Variants in PFKFB4 observed in about 807,000 individuals in gnomAD.
PFKFB4 encodes 6-phosphofructo-2-kinase/fructose-2,6-bisphosphatase 4.
PFKFB4 carries 42 observed loss-of-function variants against 62.8 expected under a neutral mutation model. That is an observed-to-expected ratio of 0.67 (90% CI 0.52 to 0.86). The LOEUF (loss-of-function observed/expected upper bound fraction) is 0.86. PFKFB4 is among the 40% of genes least tolerant of loss of function. PFKFB4 has a pLI of 0.00. For missense variants in PFKFB4, 475 were observed against 627.2 expected (o/e 0.76, Z 2.59); for synonymous variants, 204 against 240.7 (o/e 0.85, Z 1.41).
Position 48,529,160 on chromosome 3 carries a change from C to T in PFKFB4, c.988-3491G>A, listed in dbSNP as rs568414819. On this transcript the variant is annotated intron_variant, in intron 9 of 13. Coordinates refer to ENST00000232375, the MANE Select transcript of PFKFB4 (RefSeq NM_004567.4). ...TCAAGTGATTCTCCTGCCTCAGCCC[C>T]CCGAGTAGCTGGGATTACAGGTGTG... 1.4e-4 allele frequency among the ~76,000 whole-genome samples: 21 copies of T among 152,266 alleles called. 1 individual carries two copies. In the South Asian group the frequency reaches 4.4e-3, roughly 32 times the overall value.
chr3:48,556,778 C>A lies in PFKFB4; in HGVS notation c.-1G>T, dbSNP rs1344919538. 1.2e-6 allele frequency: 2 copies of A among 1,600,814 alleles called. No individual in the cohort carries two copies. The highest frequency in any genetic ancestry group is 1.7e-6 in the Non-Finnish European group (2 of 1,173,876). On this transcript the variant is annotated 5_prime_UTR_variant, in exon 1 of 14. Coordinates refer to ENST00000232375, the MANE Select transcript of PFKFB4 (RefSeq NM_004567.4). This position sits in a 1 kb window ranked among gnomAD's most constrained non-coding sequence, Gnocchi z 5.7. Reference sequence around the variant, plus strand: ...GTGTCAATTCCCGTGGGGACGCCATCCCGGGGCCGGGATGAGTCGGACTGC... The same window carrying A: ...GTGTCAATTCCCGTGGGGACGCCATACCGGGGCCGGGATGAGTCGGACTGC...
chr3:48,538,578 A>C lies in PFKFB4; in HGVS notation c.552T>G (p.Ser184Arg). ...LGSPDYVNRDSDEATEDFMRR... is the reference protein window; with the variant it reads ...LGSPDYVNRDRDEATEDFMRR... Reference sequence around the variant, plus strand: ...TCATGAAGTCCTCCGTAGCCTCATCACTGTCGCGGTTGACATAGTCAGGGC... The same window carrying C: ...TCATGAAGTCCTCCGTAGCCTCATCCCTGTCGCGGTTGACATAGTCAGGGC... Residue 184 changes from serine (S) to arginine (R), a missense_variant, in exon 7 of 14, where the codon AGT (serine) becomes AGG (arginine). By Grantham distance (110) the Ser-to-Arg change is moderately radical. Coordinates refer to ENST00000232375, the MANE Select transcript of PFKFB4 (RefSeq NM_004567.4). The C allele has an allele frequency of 6.2e-7, 1 of 1,614,136 alleles. No individual in the cohort carries two copies. The highest frequency in any genetic ancestry group is 8.5e-7 in the Non-Finnish European group (1 of 1,180,022).
At chr3:48,527,073 C>T (rs1481942620) in intron 9 of PFKFB4, among the ~76,000 whole-genome samples, 1 of 152,004 alleles carries the variant, frequency 6.6e-6, no homozygotes, top group African/African-American at 2.4e-5. Context: ...CAAGGATTAC[C>T]AGCAACAACT....
intron 8 of PFKFB4, 103 bp from the exon 9 acceptor site, chr3:48,535,761 A>C (rs888084486): frequency 5.2e-6 from 7 of 1,344,372 alleles, no homozygotes; most frequent in Non-Finnish European, 7.3e-6. Flanking sequence ...TTGAACACTC[A>C]CTACAGGTTT....
chr3:48,536,497 G>T, intron 7 of PFKFB4, 34 bp from the exon 8 acceptor site: 1 of 1,552,048 alleles, frequency 6.4e-7, no homozygotes, highest in Non-Finnish European at 8.9e-7. Flanking sequence ...AGGCCTGTGA[G>T]CGTGGCCAGG....
At position 48,550,187 on chromosome 3, in the gene PFKFB4, C is replaced by T. The variant is rs372258983; in HGVS notation, c.145G>A (p.Ala49Thr). The T allele has an allele frequency of 4.3e-6, 7 of 1,614,018 alleles. No homozygotes were observed. The Admixed American group carries it at 6.7e-5, about 15-fold the overall frequency. The stretch of plus-strand genomic sequence containing the variant: ...TTGGAGATGTAGGTCTTGCCCCTGG[C>T]GGGCAGGCCCACCATGACAATGAGA... ...PTLIVMVGLP[A>T]RGKTYISKKL... The change falls in exon 2 of 14, where the codon GCC becomes ACC. Residue 49 changes from alanine to threonine, a missense_variant. Ala to Thr is a moderately conservative substitution (Grantham distance 58, BLOSUM62 0). Coordinates refer to ENST00000232375, the MANE Select transcript of PFKFB4 (RefSeq NM_004567.4).
intron 12 of PFKFB4, 54 bp from the exon 13 acceptor site, chr3:48,522,104 C>G: frequency 1.3e-6 from 2 of 1,526,784 alleles, no homozygotes; most frequent in South Asian, 2.2e-5. Flanking sequence ...AGCTGAGCTG[C>G]AGATGCTAGA....
intron 1 of PFKFB4, among the ~76,000 whole-genome samples, chr3:48,552,557 A>G (rs1261812512): frequency 6.6e-6 from 1 of 152,218 alleles, no homozygotes; most frequent in Non-Finnish European, 1.5e-5. Context: ...TTGCCTCCTC[A>G]GGGCCGGTGG....
intron 3 of PFKFB4, among the ~76,000 whole-genome samples, chr3:48,544,194 A>G (rs2042889248): frequency 6.6e-6 from 1 of 151,956 alleles, no homozygotes; most frequent in Admixed American, 6.6e-5. Flanking sequence ...ATATTTCAAA[A>G]TAAGCATTTT....
At chr3:48,537,750 C>T (rs920026894) in intron 7 of PFKFB4, among the ~76,000 whole-genome samples, 1 of 151,964 alleles carries the variant, frequency 6.6e-6, no homozygotes, top group Admixed American at 6.6e-5. Flanking sequence ...GTCTCAAAAT[C>T]CTAGGCTCAT....
At chr3:48,535,000 G>A (rs1232284888) in intron 9 of PFKFB4, among the ~76,000 whole-genome samples, 2 of 152,076 alleles carry the variant, frequency 1.3e-5, no homozygotes, top group African/African-American at 4.8e-5. Context: ...GTAGAGATGG[G>A]GTTTCACCAT....
chr3:48,541,050 C>T (rs2042783386), intron 4 of PFKFB4, among the ~76,000 whole-genome samples: 1 of 150,128 alleles, frequency 6.7e-6, no homozygotes, highest in African/African-American at 2.5e-5. Flanking sequence ...GCTGGGATTA[C>T]AGGGGTGAGC....
rs1336212152 is a variant in PFKFB4, at chr3:48,536,282, G to A, written c.814C>T (p.Pro272Ser). 1 of 1,614,016 alleles carries A rather than the reference G, an allele frequency of 6.2e-7. No homozygotes were observed. The highest frequency in any genetic ancestry group is 2.2e-5 in the East Asian group (1 of 44,886). Reference protein sequence around the residue: ...LNLKGRIGGDPGLSPRGREFA... With the variant: ...LNLKGRIGGDSGLSPRGREFA... ...TCCCTGCCCCGAGGGGACAGTCCTG[G>A]GTCCCCGCCAATCCGGCCCTTGAGG... The change falls in exon 8 of 14, where the codon CCA (proline) becomes TCA (serine). Residue 272 changes from proline to serine, a missense_variant. Transcript: ENST00000232375.
chr3:48,531,654 A>G (rs2042432225), intron 9 of PFKFB4, among the ~76,000 whole-genome samples: 1 of 150,368 alleles, frequency 6.7e-6, no homozygotes, highest in Non-Finnish European at 1.5e-5. Flanking sequence ...TTAGCTGGGT[A>G]TGGTGATGTG....
intron 9 of PFKFB4, among the ~76,000 whole-genome samples, chr3:48,535,134 G>A (rs2042553583): frequency 6.6e-6 from 1 of 152,210 alleles, no homozygotes; most frequent in Non-Finnish European, 1.5e-5. Flanking sequence ...AAGAGACAAA[G>A]GCCGTGCTGG....
chr3:48,526,712 A>G (rs2042272573), intron 9 of PFKFB4, among the ~76,000 whole-genome samples: 1 of 151,944 alleles, frequency 6.6e-6, no homozygotes, highest in Non-Finnish European at 1.5e-5. Flanking sequence ...AGGCTGAGGC[A>G]GGTGGATCAT....
At position 48,556,571 on chromosome 3, in the gene PFKFB4, C is replaced by G; in HGVS notation, c.97+110G>C. The G allele has an allele frequency of 7.7e-7, 1 of 1,295,198 alleles. No individual in the cohort carries two copies. Among genetic ancestry groups the G allele is most frequent in the Non-Finnish European group, 1.0e-6 (1 of 952,388 alleles). 80.2% of individuals were successfully genotyped at this position (1,295,198 alleles called of 1,614,324 possible). ...CAGTCACGGCAACCTCACCTGTCCCCGGTTCCCCATCTGTCTCCCGCCCCT... is the reference window on the plus strand; with the variant it reads ...CAGTCACGGCAACCTCACCTGTCCCGGGTTCCCCATCTGTCTCCCGCCCCT... On this transcript the variant is annotated intron_variant, in intron 1 of 13. Transcript: ENST00000232375. The surrounding 1 kb of genome is among the most constrained non-coding windows in gnomAD (Gnocchi z 5.7).
upstream of PFKFB4, chr3:48,556,809 T>C (rs771283153): frequency 6.3e-7 from 1 of 1,579,818 alleles, no homozygotes; most frequent in Non-Finnish European, 8.6e-7. The surrounding 1 kb of genome is among the most constrained non-coding windows in gnomAD (Gnocchi z 5.7). Context: ...ACTGCGCCGC[T>C]TCCAACCCAG....
At position 48,523,843 on chromosome 3, in the gene PFKFB4, G is replaced by A; in HGVS notation, c.1093-13C>T. On this transcript the variant is annotated splice_polypyrimidine_tract_variant and intron_variant, in intron 10 of 13. Coordinates refer to ENST00000232375, the MANE Select transcript of PFKFB4 (RefSeq NM_004567.4). ...GGTCCTCGTAGGACTGCAAGGGCAAGCAGAGAGGGGTCCCTCAGGCCTGGC... is the reference window on the plus strand; with the variant it reads ...GGTCCTCGTAGGACTGCAAGGGCAAACAGAGAGGGGTCCCTCAGGCCTGGC... 6.2e-7 allele frequency: 1 copy of A among 1,611,924 alleles called. No homozygotes were observed. Among genetic ancestry groups the A allele is most frequent in the South Asian group, 1.1e-5 (1 of 90,870 alleles).
Sources: gnomAD v4.1 joint callset for allele counts (sites outside exome capture counted in the v4.1 genomes callset) on GRCh38, gnomAD v4.1.1 for gene constraint, Gnocchi (gnomAD v3.1) non-coding constraint, MANE v1.5 for transcripts, NCBI Gene and HGNC (gene_info 2026-07-23, HGNC 2026-07-21) for gene names.